The following REV3L variants were observed in gnomAD, a reference collection of about 807,000 sequenced individuals.
The protein encoded by REV3L is DNA polymerase zeta catalytic subunit.
A neutral mutation model predicts 299.4 loss-of-function variants in REV3L; 69 were observed. The observed-to-expected ratio is 0.23, with a 90% confidence interval of 0.19 to 0.28. REV3L has a LOEUF of 0.28. Among genes scored for constraint, REV3L ranks in the 10% least tolerant of loss-of-function variants. REV3L has a pLI of 1.00. For missense variants in REV3L, 3,128 were observed against 3,693.8 expected (o/e 0.85, Z 3.97); for synonymous variants, 1,238 against 1,271.4 (o/e 0.97, Z 0.56).
chr6:111,307,669 G>T, intron 30 of REV3L, 99 bp from the exon 31 acceptor site: 1 of 1,098,724 alleles, frequency 9.1e-7, no homozygotes, highest in Non-Finnish European at 1.3e-6. Flanking sequence ...TCATTCATTC[G>T]TTCATTCACT....
intron 27 of REV3L, among the ~76,000 whole-genome samples, chr6:111,313,987 T>G (rs1297688220): frequency 6.6e-6 from 1 of 152,220 alleles, no homozygotes; most frequent in African/African-American, 2.4e-5. Context: ...CTCCTTTCCT[T>G]TGTGCTCTCA....
At chr6:111,304,972 G>C (rs1301806233) in intron 31 of REV3L, among the ~76,000 whole-genome samples, 8 of 145,966 alleles carry the variant, frequency 5.5e-5, no homozygotes, top group African/African-American at 7.7e-5. Context: ...ACAGAGTTTC[G>C]CTCTTGTTCC....
chr6:111,316,311 G>C (rs1773511037), intron 26 of REV3L, among the ~76,000 whole-genome samples: 1 of 151,856 alleles, frequency 6.6e-6, no homozygotes, highest in African/African-American at 2.4e-5. Flanking sequence ...TAAGAAAATG[G>C]AAGATGTACT....
intron 1 of REV3L, among the ~76,000 whole-genome samples, chr6:111,450,511 A>T (rs910896954): frequency 7.9e-5 from 12 of 150,956 alleles, no homozygotes; most frequent in African/African-American, 2.2e-4. Flanking sequence ...AAAAAACCAA[A>T]AAACATTAGT....
chr6:111,329,593 A>G lies in REV3L; in HGVS notation c.8180T>C (p.Ile2727Thr). 6.2e-7 allele frequency: 1 copy of G among 1,614,184 alleles called. No homozygotes were observed. The highest frequency in any genetic ancestry group is 2.2e-5 in the East Asian group (1 of 44,890). The part of the protein sequence containing the change: ...LDARQLGLKL[I>T]ANVTFGYTSA... ...TGTATAGCCAAATGTGACATTTGCT[A>G]TCAGCTTAAGTCCCAACTGACGCGC... The change falls in exon 25 of 32, where the codon ATA becomes ACA. Residue 2727 changes from isoleucine to threonine, a missense_variant. Ile to Thr is a moderately conservative substitution (Grantham distance 89). Coordinates refer to ENST00000368802, the MANE Select transcript of REV3L (RefSeq NM_001372078.1).
chr6:111,482,061 C>T (rs1026552847), intron 1 of REV3L, among the ~76,000 whole-genome samples: 1 of 152,166 alleles, frequency 6.6e-6, no homozygotes, highest in Non-Finnish European at 1.5e-5. Flanking sequence ...TTCCTACTTC[C>T]ATGGATGCAC....
chr6:111,475,440 T>C (rs1792827027), intron 1 of REV3L, among the ~76,000 whole-genome samples: 1 of 152,222 alleles, frequency 6.6e-6, no homozygotes, highest in African/African-American at 2.4e-5. Flanking sequence ...TTCAAACTGC[T>C]TTCTATAGAG....
At chr6:111,349,128 T>C (rs1009356779) in intron 20 of REV3L, 90 bp downstream of exon 20, 3 of 683,344 alleles carry the variant, frequency 4.4e-6, no homozygotes, top group African/African-American at 3.6e-5. Flanking sequence ...ATAAGCTATA[T>C]AGTAAATCTT....
At position 111,474,988 on chromosome 6, in the gene REV3L, T is replaced by TATATACACACACAC. The variant is rs151075609; in HGVS notation, c.139+7761_139+7762insGTGTGTGTGTATAT. ...ATTACATTCTATAGCTGCCTATATA[T>TATATACACACACAC]ACACACACACACACACACACACACA... On this transcript the variant is annotated intron_variant, in intron 1 of 31. Transcript: ENST00000368802. Among the ~76,000 whole-genome samples the TATATACACACACAC allele has an allele frequency of 3.9e-3, 571 of 145,904 alleles. 3 individuals are homozygous for TATATACACACACAC. The highest frequency in any genetic ancestry group is 0.01 in the East Asian group (50 of 4,994).
intron 1 of REV3L, among the ~76,000 whole-genome samples, chr6:111,473,261 A>G (rs1792474522): frequency 6.7e-6 from 1 of 149,962 alleles, no homozygotes; most frequent in African/African-American, 2.5e-5. Context: ...GGGTCTTGCC[A>G]TGTTGCCCAG....
chr6:111,431,246 C>T, intron 1 of REV3L: 1 of 1,534,160 alleles, frequency 6.5e-7, no homozygotes, highest in Non-Finnish European at 9.0e-7. Context: ...CATTCCAGGA[C>T]CCTACAAGAG....
intron 13 of REV3L, among the ~76,000 whole-genome samples, chr6:111,371,558 CTTTT>C (rs1032722759): frequency 1.5e-5 from 2 of 137,616 alleles, no homozygotes; most frequent in Non-Finnish European, 3.2e-5. Context: ...GCCCAGCTAT[CTTTT>C]TTTTTTTTTT....
chr6:111,401,176 G>A (rs11153292), intron 4 of REV3L, among the ~76,000 whole-genome samples: 60,649 of 151,930 alleles, frequency 0.4, 14,630 homozygotes, highest in Non-Finnish European at 0.54. Context: ...AGTAAGTCTC[G>A]AAAGTGGGTA....
chr6:111,470,748 G>C (rs1284407290), intron 1 of REV3L, among the ~76,000 whole-genome samples: 1 of 152,202 alleles, frequency 6.6e-6, no homozygotes, highest in East Asian at 1.9e-4. Context: ...GGGAGGCCAA[G>C]GTGAGCAGAT....
At chr6:111,433,643 T>C (rs1325087660) in intron 1 of REV3L, among the ~76,000 whole-genome samples, 1 of 152,092 alleles carries the variant, frequency 6.6e-6, no homozygotes, top group Non-Finnish European at 1.5e-5. Flanking sequence ...CTAATACCAA[T>C]TCTACTCAAA....
chr6:111,414,103 A>G (rs1283561165), intron 2 of REV3L, among the ~76,000 whole-genome samples: 1 of 152,162 alleles, frequency 6.6e-6, no homozygotes, highest in Non-Finnish European at 1.5e-5. Flanking sequence ...ATAAAAATTA[A>G]GTAAATAAAT....
intron 2 of REV3L, among the ~76,000 whole-genome samples, chr6:111,413,624 T>C (rs1166847166): frequency 1.3e-5 from 2 of 151,186 alleles, no homozygotes; most frequent in African/African-American, 2.4e-5. Flanking sequence ...GTAGGAAAAA[T>C]TGAAGGAGTA....
At chr6:111,430,149 G>C in intron 1 of REV3L, 1 of 787,374 alleles carries the variant, frequency 1.3e-6, no homozygotes, top group Non-Finnish European at 2.3e-6. Flanking sequence ...CCAGTGTCAC[G>C]CCCCTGTGGG....
chr6:111,324,966 A>G lies in REV3L; in HGVS notation c.8242-2288T>C, dbSNP rs1026020523. Among the ~76,000 whole-genome samples, 7 of 150,934 alleles carry G rather than the reference A, an allele frequency of 4.6e-5. No individual in the cohort carries two copies. In the South Asian group the frequency reaches 1.0e-3, roughly 23 times the overall value. On this transcript the variant is annotated intron_variant, in intron 25 of 31. Transcript: ENST00000368802. ...AACCTCTACCTCCCGGGTTCACGCC[A>G]TTCTCCTGCCTCAGCCTCCCAAGTA...
Sources: allele counts gnomAD v4.1 joint callset (sites outside exome capture counted in the v4.1 genomes callset), GRCh38; gene constraint gnomAD v4.1.1; transcripts MANE v1.5; gene names NCBI Gene and HGNC (gene_info 2026-07-23, HGNC 2026-07-21).